ARL13B: variants seen among roughly 807,000 people sequenced by gnomAD.
ARL13B encodes ADP-ribosylation factor-like protein 13B.
ARL13B carries 36 observed loss-of-function variants against 56.1 expected under a neutral mutation model. The observed-to-expected ratio is 0.64, with a 90% CI of 0.49 to 0.85. The LOEUF (loss-of-function observed/expected upper bound fraction) is 0.85, where lower values mean the gene tolerates loss of function less well. Ranked by LOEUF, ARL13B falls within the 40% of genes least tolerant of loss-of-function variation. The pLI, the probability that ARL13B is intolerant of heterozygous loss-of-function variation, is 0.00. For synonymous variants in ARL13B, 178 were observed against 171.1 expected (o/e 1.04, Z -0.32); for missense variants, 519 against 507.1 (o/e 1.02, Z -0.23).
At chr3:93,983,012 T>A (rs534525901) in intron 1 of ARL13B, among the ~76,000 whole-genome samples, 160 of 152,350 alleles carry the variant, frequency 1.1e-3, no homozygotes, top group African/African-American at 3.8e-3. Flanking sequence ...TAGAATTTCT[T>A]ATTAAGATTC....
At chr3:93,992,960 T>C (rs34267676) in intron 1 of ARL13B, among the ~76,000 whole-genome samples, 35,114 of 150,028 alleles carry the variant, frequency 0.23, 5,392 homozygotes, top group Non-Finnish European at 0.35. Flanking sequence ...TGCCTGCTAA[T>C]TTTTGTATTT....
intron 3 of ARL13B, among the ~76,000 whole-genome samples, chr3:94,035,000 C>T (rs2076741372): frequency 6.6e-6 from 1 of 152,082 alleles, no homozygotes; most frequent in Admixed American, 6.6e-5. Flanking sequence ...CTTTGAGAGG[C>T]TGAGACTGAC....
intron 3 of ARL13B, among the ~76,000 whole-genome samples, chr3:94,017,657 T>C (rs1208047475): frequency 6.6e-6 from 1 of 152,226 alleles, no homozygotes; most frequent in East Asian, 1.9e-4. Context: ...AAGGACAATA[T>C]ACAATTTAAA....
At chr3:94,010,124 A>G (rs2076199908) in intron 3 of ARL13B, among the ~76,000 whole-genome samples, 1 of 152,102 alleles carries the variant, frequency 6.6e-6, no homozygotes, top group Admixed American at 6.6e-5. Flanking sequence ...ATTGAGAACT[A>G]CTGGTGTAGG....
intron 3 of ARL13B, among the ~76,000 whole-genome samples, chr3:94,025,455 A>G (rs2076536532): frequency 6.6e-6 from 1 of 152,190 alleles, no homozygotes; most frequent in Admixed American, 6.5e-5. Flanking sequence ...GAACATTTAG[A>G]GAATATTTAT....
intron 3 of ARL13B, chr3:94,015,100 A>G: frequency 6.2e-7 from 1 of 1,613,804 alleles, no homozygotes; most frequent in Non-Finnish European, 8.5e-7. Context: ...ACTTTCCTGT[A>G]GTTTTTGGAT....
intron 3 of ARL13B, among the ~76,000 whole-genome samples, chr3:94,022,356 C>G (rs1160161439): frequency 6.6e-6 from 1 of 151,972 alleles, no homozygotes; most frequent in Non-Finnish European, 1.5e-5. Flanking sequence ...GAACTCCTAA[C>G]CTCAAGTGAT....
intron 3 of ARL13B, among the ~76,000 whole-genome samples, chr3:94,005,823 C>T (rs1254255335): frequency 6.6e-6 from 1 of 151,958 alleles, no homozygotes; most frequent in Non-Finnish European, 1.5e-5. Flanking sequence ...TAGTAAATTT[C>T]AAAGATAGAG....
intron 1 of ARL13B, among the ~76,000 whole-genome samples, chr3:93,986,806 T>A (rs1330572951): frequency 1.3e-5 from 2 of 151,954 alleles, no homozygotes; most frequent in Non-Finnish European, 2.9e-5. Flanking sequence ...CTGTCTCTAC[T>A]AAAAATACAA....
intron 3 of ARL13B, among the ~76,000 whole-genome samples, chr3:94,017,737 T>C (rs1006669229): frequency 2.6e-5 from 4 of 152,150 alleles, no homozygotes; most frequent in Non-Finnish European, 4.4e-5. Context: ...ATTTGAGATG[T>C]GAGACTGAAT....
In ARL13B at chr3:94,054,283, A is replaced by G. The variant is rs2107213344; in HGVS notation, c.*1020A>G. On this transcript the variant is annotated 3_prime_UTR_variant, in exon 10 of 10. Transcript: ENST00000394222. ...TTTACAACTGGGAAACAGCTTGTGT[A>G]CTAAAGTAATGAGAATAAAAATGTT... The G allele has an allele frequency of 4.4e-6, 2 of 449,598 alleles. No individual in the cohort carries two copies. The highest frequency in any genetic ancestry group is 3.2e-5 in the South Asian group (2 of 63,054). The allele number at this position is 449,598 out of a possible 1,614,324, so 27.9% of individuals were successfully genotyped here.
chr3:93,998,200 CCTT>C (rs1382737486), intron 2 of ARL13B, among the ~76,000 whole-genome samples: 1 of 152,154 alleles, frequency 6.6e-6, no homozygotes, highest in Non-Finnish European at 1.5e-5. Flanking sequence ...GGCCATGACA[CCTT>C]CTTCTAACCT....
At chr3:93,981,086 T>TA (rs1231835880) in intron 1 of ARL13B, among the ~76,000 whole-genome samples, 1 of 152,256 alleles carries the variant, frequency 6.6e-6, no homozygotes, top group Non-Finnish European at 1.5e-5. Context: ...ATACGGTCTC[T>TA]AGTAAAACCT....
intron 3 of ARL13B, among the ~76,000 whole-genome samples, chr3:94,006,682 A>T (rs1164763962): frequency 6.6e-6 from 1 of 152,234 alleles, no homozygotes; most frequent in Admixed American, 6.5e-5. Context: ...GTGAAACAAT[A>T]CAAGAATATG....
At chr3:94,011,857 G>A (rs1248278346) in intron 3 of ARL13B, among the ~76,000 whole-genome samples, 1 of 152,080 alleles carries the variant, frequency 6.6e-6, no homozygotes, top group African/African-American at 2.4e-5. Context: ...AGTGGCTGCT[G>A]TATTTCTTCA....
intron 1 of ARL13B, among the ~76,000 whole-genome samples, chr3:93,987,376 A>G (rs75273430): frequency 6.6e-6 from 1 of 152,128 alleles, no homozygotes; most frequent in South Asian, 2.1e-4. Flanking sequence ...CACTTAGGAG[A>G]TCTATTATAT....
At chr3:94,027,506 A>C (rs1209915857) in intron 3 of ARL13B, among the ~76,000 whole-genome samples, 1 of 152,102 alleles carries the variant, frequency 6.6e-6, no homozygotes, top group Non-Finnish European at 1.5e-5. Context: ...TACATACATA[A>C]AATGATTTTT....
chr3:93,980,218 TC>T lies in ARL13B; in HGVS notation c.-204del, dbSNP rs1710136259. 1.4e-6 allele frequency: 1 copy of T among 714,992 alleles called. No individual in the cohort carries two copies. Among genetic ancestry groups the T allele is most frequent in the Admixed American group, 2.0e-5 (1 of 49,988 alleles). 44.3% of individuals were successfully genotyped at this position (714,992 alleles called of 1,614,324 possible). A position where few individuals can be genotyped will look rare whatever the true frequency, so the allele number is the denominator to read the frequency against. On this transcript the variant is annotated 5_prime_UTR_variant, in exon 1 of 10. Transcript: ENST00000394222. ...GTATCTGCGTCTTTGGTCAGGTTGT[TC>T]CTTGGCTAAGAGGGCAGTCGTCGCG...
rs370007491 is a variant in ARL13B at position 94,047,003 on chromosome 3, T to C, written c.1025-2403T>C. Among the ~76,000 whole-genome samples the C allele has an allele frequency of 1.1e-4, 16 of 152,290 alleles. No individual in the cohort carries two copies. The East Asian group carries it at 3.1e-3, about 29-fold the overall frequency. The stretch of plus-strand genomic sequence containing the variant: ...TCTACTAGATATACGTTAAGTTATG[T>C]AACATTCTTTAGTCTTAGTTTCTTC... On this transcript the variant is annotated intron_variant, in intron 7 of 9. Transcript: ENST00000394222.
Sources: gnomAD v4.1 joint callset for allele counts (sites outside exome capture counted in the v4.1 genomes callset) on GRCh38, gnomAD v4.1.1 for gene constraint, MANE v1.5 for transcripts, NCBI Gene and HGNC (gene_info 2026-07-23, HGNC 2026-07-21) for gene names.